The following PLXNA4 variants were observed in gnomAD, a reference collection of about 807,000 sequenced individuals.
PLXNA4 encodes the protein plexin-A4.
PLXNA4 carries 44 observed loss-of-function variants against 191.8 expected under a neutral mutation model. The ratio of observed to expected loss-of-function variants is 0.23; its 90% confidence interval spans 0.18 to 0.29. The LOEUF is 0.29. Ranked by LOEUF, PLXNA4 falls within the 10% of genes least tolerant of loss-of-function variation. PLXNA4 has a pLI of 1.00. For synonymous variants in PLXNA4, 1,082 were observed against 1,009.5 expected (o/e 1.07, Z -1.36); for missense variants, 1,800 against 2,488.8 (o/e 0.72, Z 5.89).
intron 3 of PLXNA4, among the ~76,000 whole-genome samples, chr7:132,379,088 TG>T (rs980388902): frequency 1.3e-5 from 2 of 152,180 alleles, no homozygotes; most frequent in Non-Finnish European, 2.9e-5. Flanking sequence ...TGACTTCAGA[TG>T]ATCCGTCCAC....
chr7:132,238,407 T>C (rs1410674836), intron 5 of PLXNA4, among the ~76,000 whole-genome samples: 1 of 152,092 alleles, frequency 6.6e-6, no homozygotes, highest in East Asian at 1.9e-4. Context: ...ACTGCACTTG[T>C]TTAAAGCCCC....
chr7:132,563,622 CCTT>C (rs1447054577), intron 1 of PLXNA4, among the ~76,000 whole-genome samples: 1 of 129,286 alleles, frequency 7.7e-6, no homozygotes, highest in African/African-American at 3.0e-5. Flanking sequence ...TCTTCCTCCT[CCTT>C]CTCTTCCTCC....
chr7:132,424,810 T>C (rs1794983248), intron 3 of PLXNA4, among the ~76,000 whole-genome samples: 1 of 152,136 alleles, frequency 6.6e-6, no homozygotes, highest in South Asian at 2.1e-4. Context: ...CATAAATAAA[T>C]AGGAAAAAAA....
intron 3 of PLXNA4, chr7:132,385,213 A>C (rs1376657254): frequency 6.2e-7 from 1 of 1,614,106 alleles, no homozygotes; most frequent in East Asian, 2.2e-5. Context: ...GCTGGAGAAC[A>C]GGAGTTCCAG....
intron 3 of PLXNA4, among the ~76,000 whole-genome samples, chr7:132,421,575 A>G (rs1035891927): frequency 7.4e-6 from 1 of 134,408 alleles, no homozygotes; most frequent in Admixed American, 7.2e-5. Context: ...CTTTATTGCT[A>G]AAGTTTTTTT....
intron 3 of PLXNA4, among the ~76,000 whole-genome samples, chr7:132,461,231 G>A (rs60236409): frequency 0.027 from 4,120 of 152,200 alleles, 204 homozygotes; most frequent in African/African-American, 0.095. Flanking sequence ...ATGAGGGAGT[G>A]GGACTGAATC....
chr7:132,480,340 C>T (rs756511134), intron 3 of PLXNA4, among the ~76,000 whole-genome samples: 1 of 152,186 alleles, frequency 6.6e-6, no homozygotes, highest in Non-Finnish European at 1.5e-5. Flanking sequence ...GTGACAAGTG[C>T]TCCAGGTGAC....
chr7:132,500,259 G>A (rs1050680131), intron 2 of PLXNA4, among the ~76,000 whole-genome samples: 3 of 152,122 alleles, frequency 2.0e-5, no homozygotes, highest in Non-Finnish European at 2.9e-5. Flanking sequence ...CTTGGCCAGC[G>A]TGATGAAACC....
At chr7:132,325,357 C>T (rs1251216845) in intron 3 of PLXNA4, among the ~76,000 whole-genome samples, 1 of 152,134 alleles carries the variant, frequency 6.6e-6, no homozygotes, top group Non-Finnish European at 1.5e-5. Flanking sequence ...CCCCTCTGGA[C>T]AAGTCTCTAG....
Position 132,129,573 on chromosome 7 carries a change from C to T in PLXNA4, c.*906G>A, listed in dbSNP as rs556924118. 1 of 152,500 alleles carries T rather than the reference C, an allele frequency of 6.6e-6. No individual in the cohort carries two copies. The highest frequency in any genetic ancestry group is 2.4e-5 in the African/African-American group (1 of 41,566). 9.4% of individuals were successfully genotyped at this position (152,500 alleles called of 1,614,324 possible). On this transcript the variant is annotated 3_prime_UTR_variant, in exon 32 of 32. Transcript: ENST00000321063. ...CTCAGGGCTCTGGTAGTGGACTAGA[C>T]CTATGACTATGATTGTGACTCATTT... is the stretch of plus-strand genomic sequence containing the variant.
At chr7:132,627,653 C>G (rs1803407108) in intron 2 of PLXNA4, among the ~76,000 whole-genome samples, 1 of 152,152 alleles carries the variant, frequency 6.6e-6, no homozygotes, top group Non-Finnish European at 1.5e-5. Context: ...TAAAAGTGTT[C>G]AAGTGAACTC....
intron 1 of PLXNA4, among the ~76,000 whole-genome samples, chr7:132,575,234 G>C (rs1019188787): frequency 1.7e-4 from 26 of 152,162 alleles, no homozygotes; most frequent in Admixed American, 1.7e-3. Flanking sequence ...ACCTCCTCCA[G>C]AAAAAGTTAA....
chr7:132,393,815 G>T (rs192414759), intron 3 of PLXNA4, among the ~76,000 whole-genome samples: 3 of 152,056 alleles, frequency 2.0e-5, no homozygotes, highest in Non-Finnish European at 4.4e-5. Flanking sequence ...AGAGCGGGGC[G>T]GCACCAGGAC....
At chr7:132,556,884 A>G (rs1360017811) in intron 1 of PLXNA4, among the ~76,000 whole-genome samples, 1 of 152,232 alleles carries the variant, frequency 6.6e-6, no homozygotes, top group Non-Finnish European at 1.5e-5. Context: ...CAACCCATTG[A>G]TGAGGATGAA....
At chr7:132,158,377 A>T (rs922105220) in intron 25 of PLXNA4, among the ~76,000 whole-genome samples, 4 of 152,170 alleles carry the variant, frequency 2.6e-5, no homozygotes, top group Non-Finnish European at 5.9e-5. Flanking sequence ...GATGGATTAG[A>T]GGTGTCTGAG....
At chr7:132,391,130 C>T (rs1805392222) in intron 3 of PLXNA4, among the ~76,000 whole-genome samples, 2 of 152,108 alleles carry the variant, frequency 1.3e-5, no homozygotes, top group South Asian at 4.2e-4. Flanking sequence ...GAGTCTGTGC[C>T]CAGCCAGGAG....
chr7:132,459,624 C>A (rs1796428724), intron 3 of PLXNA4, among the ~76,000 whole-genome samples: 1 of 152,110 alleles, frequency 6.6e-6, no homozygotes, highest in Non-Finnish European at 1.5e-5. Flanking sequence ...GATATTCAGG[C>A]CCATGGGCAG....
intron 2 of PLXNA4, among the ~76,000 whole-genome samples, chr7:132,631,586 C>T (rs1018663357): frequency 6.6e-6 from 1 of 152,074 alleles, no homozygotes; most frequent in Non-Finnish European, 1.5e-5. Context: ...GGAAGTTTTT[C>T]CAAATGCTCT....
chr7:132,563,336 C>T (rs1254080867), intron 1 of PLXNA4, among the ~76,000 whole-genome samples: 2 of 108,066 alleles, frequency 1.9e-5, no homozygotes, highest in African/African-American at 7.7e-5. Context: ...CCTCCTCCTC[C>T]TTCTCCTCCT....
Sources: allele counts gnomAD v4.1 joint callset (sites outside exome capture counted in the v4.1 genomes callset), GRCh38; gene constraint gnomAD v4.1.1; transcripts MANE v1.5; gene names NCBI Gene and HGNC (gene_info 2026-07-23, HGNC 2026-07-21).